Variants in SPRY3 observed in about 807,000 individuals in gnomAD.
SPRY3 encodes protein sprouty homolog 3.
In SPRY3, 15 loss-of-function variants were observed where a neutral mutation model predicts 20.2. The observed-to-expected ratio is 0.74, with a 90% CI of 0.50 to 1.14. The LOEUF (loss-of-function observed/expected upper bound fraction) is 1.14. Among genes scored for constraint, SPRY3 ranks in the 50% most tolerant of loss-of-function variants. The pLI is 0.00. For synonymous variants in SPRY3, 143 were observed against 136.5 expected, an observed-to-expected ratio of 1.05 and a Z score of -0.33; for missense variants, 364 against 363.9, an observed-to-expected ratio of 1.00 and a Z score of 0.00.
In SPRY3 at chrX:155,705,194, A is replaced by C. The variant is rs768342270; in HGVS notation, c.-282+48169A>C. Among the ~76,000 whole-genome samples the C allele has an allele frequency of 7.3e-5, 11 of 151,660 alleles. No individual in the cohort carries two copies. In the South Asian group the frequency reaches 2.3e-3, roughly 32 times the overall value. On this transcript the variant is annotated intron_variant, in intron 2 of 3. Coordinates refer to ENST00000675360, the Ensembl canonical transcript of SPRY3. Reference sequence around the variant, plus strand: ...ATAATTTATTGTATATTTATAGCATATATAAAATTAGAAGTTGTGCTAACA... The same window carrying C: ...ATAATTTATTGTATATTTATAGCATCTATAAAATTAGAAGTTGTGCTAACA...
exon 2 of SPRY3, chrX:155,782,138 A>G (rs1428332613): frequency 1.8e-5 from 3 of 167,184 alleles, no homozygotes; most frequent in South Asian, 4.2e-4. Flanking sequence ...TCTGAAAGGC[A>G]TTACCCATGG....
exon 3 of SPRY3, chrX:155,768,046 A>C (rs2091354374): frequency 6.6e-6 from 1 of 152,226 alleles, no homozygotes; most frequent in South Asian, 2.1e-4. Flanking sequence ...AGAGGTGGAG[A>C]AACCTAAAGA....
At chrX:155,687,516 T>A (rs999240285) in intron 2 of SPRY3, among the ~76,000 whole-genome samples, 3 of 112,577 alleles carry the variant, frequency 2.7e-5, no homozygotes, top group Non-Finnish European at 5.6e-5. Flanking sequence ...TAGTTTTAGA[T>A]AACATGACTG....
exon 4 of SPRY3, chrX:155,775,021 CTG>C (rs2091414999): frequency 2.0e-6 from 1 of 510,924 alleles, no homozygotes; most frequent in South Asian, 3.9e-5. Context: ...GGTTTGAACA[CTG>C]AGGACTGACA....
intron 2 of SPRY3, among the ~76,000 whole-genome samples, chrX:155,736,651 T>A (rs777809119): frequency 6.6e-6 from 1 of 152,242 alleles, no homozygotes; most frequent in Admixed American, 6.5e-5. Context: ...AAATATGATA[T>A]GCTTAAGTGT....
In SPRY3 at chrX:155,624,730, GA is replaced by G. The variant is rs781982604; in HGVS notation, c.-441+12085del. Among the ~76,000 whole-genome samples the G allele has an allele frequency of 2.7e-5, 3 of 111,793 alleles. No individual in the cohort carries two copies. The South Asian group carries it at 1.1e-3, about 41-fold the overall frequency. On this transcript the variant is annotated intron_variant, in intron 1 of 3. Coordinates refer to ENST00000675360, the Ensembl canonical transcript of SPRY3. ...TGTATAATAGCAAATAAATTTTAAT[GA>G]AGTAGACAATTTAAATTGTGCATTG...
At chrX:155,750,719 G>A (rs1325308927) in intron 2 of SPRY3, among the ~76,000 whole-genome samples, 1 of 151,828 alleles carries the variant, frequency 6.6e-6, no homozygotes, top group Non-Finnish European at 1.5e-5. Flanking sequence ...AGATTTTGGA[G>A]GTTTAAGGAG....
At chrX:155,624,547 T>C (rs2067882050) in intron 1 of SPRY3, among the ~76,000 whole-genome samples, 1 of 110,061 alleles carries the variant, frequency 9.1e-6, no homozygotes, top group Non-Finnish European at 1.9e-5. Context: ...TATCTATCTA[T>C]CTATCTATCT....
At chrX:155,745,327 A>G (rs1276794562) in intron 2 of SPRY3, among the ~76,000 whole-genome samples, 1 of 152,068 alleles carries the variant, frequency 6.6e-6, no homozygotes, top group East Asian at 1.9e-4. Flanking sequence ...CTGTTGTAAT[A>G]TTAAATTATA....
At chrX:155,735,307 T>C (rs1392308701) in intron 2 of SPRY3, among the ~76,000 whole-genome samples, 1 of 152,030 alleles carries the variant, frequency 6.6e-6, no homozygotes, top group Non-Finnish European at 1.5e-5. Context: ...ATTTATAGAA[T>C]TTATAGAATT....
At chrX:155,674,779 T>C (rs1360713948) in intron 2 of SPRY3, among the ~76,000 whole-genome samples, 2 of 110,986 alleles carry the variant, frequency 1.8e-5, no homozygotes, top group Admixed American at 9.6e-5. Context: ...GATTTTTCCA[T>C]TGATCATTAT....
chrX:155,697,644 GTGTGTGTGTGTC>G (rs1028800630), intron 2 of SPRY3, among the ~76,000 whole-genome samples: 15 of 109,163 alleles, frequency 1.4e-4, no homozygotes, highest in African/African-American at 5.0e-4. Context: ...GTGTGTGTGT[GTGTGTGTGTGTC>G]TGTGTGTGTG....
rs2068107267 is a variant in SPRY3, at chrX:155,692,772, T to C, written c.-282+35747T>C. On this transcript the variant is annotated intron_variant, in intron 2 of 3. Coordinates refer to ENST00000675360, the Ensembl canonical transcript of SPRY3. Reference sequence around the variant, plus strand: ...CTTCTGTCCATTTTTGTAGGTTATATTTTTCAAGGAATTTGTTCATCTAAA... The same window carrying C: ...CTTCTGTCCATTTTTGTAGGTTATACTTTTCAAGGAATTTGTTCATCTAAA... Among the ~76,000 whole-genome samples the C allele has an allele frequency of 2.7e-5, 3 of 111,664 alleles. No homozygotes were observed. The Admixed American group carries it at 2.9e-4, about 11-fold the overall frequency.
chrX:155,736,510 C>T (rs2091170664), intron 2 of SPRY3, among the ~76,000 whole-genome samples: 2 of 151,878 alleles, frequency 1.3e-5, no homozygotes, highest in Admixed American at 1.3e-4. Flanking sequence ...ATACTTCGTT[C>T]CACTTTCTTC....
At chrX:155,640,467 C>T (rs1414634222) in intron 1 of SPRY3, among the ~76,000 whole-genome samples, 2 of 112,228 alleles carry the variant, frequency 1.8e-5, no homozygotes, top group Admixed American at 1.9e-4. Context: ...AAATATCAAG[C>T]AACTCAACTT....
chrX:155,720,863 C>T (rs1289641826), intron 2 of SPRY3, among the ~76,000 whole-genome samples: 1 of 152,250 alleles, frequency 6.6e-6, no homozygotes, highest in Non-Finnish European at 1.5e-5. Context: ...GTACCCAACT[C>T]TTCAATGCCC....
intron 1 of SPRY3, among the ~76,000 whole-genome samples, chrX:155,626,631 A>G (rs914133241): frequency 3.6e-5 from 4 of 111,883 alleles, no homozygotes; most frequent in African/African-American, 1.3e-4. Flanking sequence ...CCCAAACTAT[A>G]GTCATAAGGA....
At chrX:155,674,112 T>A (rs1378912608) in intron 2 of SPRY3, among the ~76,000 whole-genome samples, 1 of 111,507 alleles carries the variant, frequency 9.0e-6, no homozygotes, top group Non-Finnish European at 1.9e-5. Flanking sequence ...GTTCCCAATC[T>A]TTTTACATTA....
chrX:155,685,624 C>T (rs1226075100), intron 2 of SPRY3, among the ~76,000 whole-genome samples: 5 of 110,702 alleles, frequency 4.5e-5, no homozygotes, highest in Non-Finnish European at 7.6e-5. Flanking sequence ...TCTATGAGTT[C>T]TCATCATTTA....
Sources: allele counts gnomAD v4.1 joint callset (sites outside exome capture counted in the v4.1 genomes callset), GRCh38; gene constraint gnomAD v4.1.1; transcripts MANE v1.5; gene names NCBI Gene and HGNC (gene_info 2026-07-23, HGNC 2026-07-21).